The following SERTAD2 variants were observed in gnomAD, a reference collection of about 807,000 sequenced individuals.
The protein encoded by SERTAD2 is SERTA domain-containing protein 2.
SERTAD2 carries 2 observed loss-of-function variants against 15.4 expected under a neutral mutation model. The ratio of observed to expected loss-of-function variants is 0.13; its 90% CI spans 0.05 to 0.41. The LOEUF is 0.41. SERTAD2 is among the 10% of genes least tolerant of loss of function. The pLI, the probability that SERTAD2 is intolerant of heterozygous loss-of-function variation, is 0.99. For missense variants in SERTAD2, 333 were observed against 409.7 expected (o/e 0.81, Z 1.62); for synonymous variants, 180 against 178.0 (o/e 1.01, Z -0.09).
At chr2:64,640,474 CCT>C (rs3836062) in intron 1 of SERTAD2, among the ~76,000 whole-genome samples, 127,582 of 152,106 alleles carry the variant, frequency 0.84, 54,250 homozygotes, top group East Asian at 0.92. Context: ...TCCTCAGAAG[CCT>C]CTCTTTCCTC....
At position 64,633,539 on chromosome 2, in the gene SERTAD2, T is replaced by A. The variant is rs1013345400; in HGVS notation, c.*2388A>T. On this transcript the variant is annotated 3_prime_UTR_variant, in exon 2 of 2. Transcript: ENST00000313349. ...GTTCAGAATCATCAATACTATTGTA[T>A]ATGTGTACGTAGGTAGATGTGTGCA... The A allele has an allele frequency of 3.9e-5, 6 of 152,254 alleles. No homozygotes were observed. The highest frequency in any genetic ancestry group is 7.2e-5 in the African/African-American group (3 of 41,466). 9.4% of individuals were successfully genotyped at this position (152,254 alleles called of 1,614,324 possible).
intron 1 of SERTAD2, among the ~76,000 whole-genome samples, chr2:64,653,355 C>T (rs1675055480): frequency 1.3e-5 from 2 of 151,796 alleles, no homozygotes; most frequent in South Asian, 4.1e-4. Flanking sequence ...GAGCTCCCGA[C>T]CCCCTCCTGA....
rs1573081776 is a variant in SERTAD2 at position 64,636,502 on chromosome 2, T to C, written c.370A>G (p.Thr124Ala). Residue 124 changes from threonine to alanine, a missense_variant, in exon 2 of 2, where the codon ACG (threonine) becomes GCG (alanine). Thr to Ala is a moderately conservative substitution (Grantham distance 58). This residue lies in a region of SERTAD2 where 332 missense variants were observed against 392.9 expected (regional missense o/e 0.84). Transcript: ENST00000313349. ...GGGGTGAGGCAGGCCTCCAGGGGCG[T>C]AGTGCTTCCGAGGTCGCAGGGGTGG... The part of the protein sequence containing the change: ...SSHPCDLGST[T>A]PLEACLTPAS... The C allele has an allele frequency of 6.2e-7, 1 of 1,609,186 alleles. No individual in the cohort carries two copies.
Position 64,635,695 on chromosome 2 carries a change from A to G in SERTAD2, c.*232T>C, listed in dbSNP as rs1674642409. On this transcript the variant is annotated 3_prime_UTR_variant, in exon 2 of 2. Coordinates refer to ENST00000313349, the MANE Select transcript of SERTAD2 (RefSeq NM_014755.3). Reference sequence around the variant, plus strand: ...ATTGTCTTCAAATGGATTCTTTCCTATACCAGGGTAGTAGGTCTCTGAGGA... The same window carrying G: ...ATTGTCTTCAAATGGATTCTTTCCTGTACCAGGGTAGTAGGTCTCTGAGGA... 6.5e-6 allele frequency: 3 copies of G among 462,356 alleles called. No homozygotes were observed. Among genetic ancestry groups the G allele is most frequent in the South Asian group, 4.3e-5 (1 of 23,286 alleles). The allele number at this position is 462,356 out of a possible 1,614,324, so 28.6% of individuals were successfully genotyped here.
chr2:64,650,571 A>G (rs2104353809), intron 1 of SERTAD2, among the ~76,000 whole-genome samples: 1 of 152,272 alleles, frequency 6.6e-6, no homozygotes, highest in Non-Finnish European at 1.5e-5. Context: ...ACAGGGCATA[A>G]GTTTGCCTTT....
Position 64,636,546 on chromosome 2 carries a change from T to C in SERTAD2, c.326A>G (p.His109Arg). ...SYREAPPAFS[H>R]LASPSSHPCD... ...GGGGTGGGAGGACGGGGACGCCAGG[T>C]GGCTGAAGGCCGGCGGGGCCTCTCG... Residue 109 changes from histidine (H) to arginine (R), a missense_variant, in exon 2 of 2, where the codon CAC becomes CGC. Physicochemically the swap from His to Arg is conservative, Grantham distance 29 (BLOSUM62 0). Around this residue, in one of 2 missense-constraint regions of SERTAD2, gnomAD observed 332 missense variants for 392.9 expected, o/e 0.84. Coordinates refer to ENST00000313349, the MANE Select transcript of SERTAD2 (RefSeq NM_014755.3). The C allele has an allele frequency of 6.3e-7, 1 of 1,591,140 alleles. No homozygotes were observed. The highest frequency in any genetic ancestry group is 2.3e-5 in the East Asian group (1 of 44,406).
chr2:64,637,019 G>A (rs1674677142), intron 1 of SERTAD2, 144 bp from the exon 2 acceptor site: 2 of 616,308 alleles, frequency 3.2e-6, no homozygotes, highest in Non-Finnish European at 5.6e-6. Flanking sequence ...TTAATTAGGG[G>A]TGGGAGGAAG....
intron 1 of SERTAD2, among the ~76,000 whole-genome samples, chr2:64,652,307 T>A (rs950395398): frequency 2.0e-5 from 3 of 152,090 alleles, no homozygotes; most frequent in Non-Finnish European, 4.4e-5. Flanking sequence ...GGGTGAGACA[T>A]GCCTTCTGCT....
At chr2:64,637,465 G>A (rs529577779) in intron 1 of SERTAD2, among the ~76,000 whole-genome samples, 1 of 152,164 alleles carries the variant, frequency 6.6e-6, no homozygotes, top group South Asian at 2.1e-4. Context: ...GGGGACATGT[G>A]GTGAAGCACT....
chr2:64,638,294 T>C (rs1452819812), intron 1 of SERTAD2, among the ~76,000 whole-genome samples: 1 of 152,230 alleles, frequency 6.6e-6, no homozygotes, highest in Non-Finnish European at 1.5e-5. Flanking sequence ...CTTATCCACA[T>C]CTACACTGTC....
In SERTAD2 at chr2:64,632,159, A is replaced by G. The variant is rs749406753; in HGVS notation, c.*3768T>C. Reference sequence around the variant, plus strand: ...ATACTCTTTTCATTGTTTTCAGAAAATGTATAAAGGTCCAATTTGTAACAG... The same window carrying G: ...ATACTCTTTTCATTGTTTTCAGAAAGTGTATAAAGGTCCAATTTGTAACAG... On this transcript the variant is annotated 3_prime_UTR_variant, in exon 2 of 2. Transcript: ENST00000313349. 3 of 152,582 alleles carry G rather than the reference A, an allele frequency of 2.0e-5. No individual in the cohort carries two copies. Among genetic ancestry groups the G allele is most frequent in the Non-Finnish European group, 4.4e-5 (3 of 68,018 alleles). The allele number at this position is 152,582 out of a possible 1,614,324, so 9.5% of individuals were successfully genotyped here. A position where few individuals can be genotyped will look rare whatever the true frequency, so the allele number is the denominator to read the frequency against.
intron 1 of SERTAD2, 94 bp from the exon 2 acceptor site, chr2:64,636,969 C>G (rs533663134): frequency 2.3e-6 from 2 of 852,364 alleles, no homozygotes; most frequent in Admixed American, 4.9e-5. Flanking sequence ...GGACTTGGAC[C>G]TCAGTTTCCT....
intron 1 of SERTAD2, among the ~76,000 whole-genome samples, chr2:64,650,635 A>G (rs1224448337): frequency 6.6e-6 from 1 of 152,206 alleles, no homozygotes; most frequent in Non-Finnish European, 1.5e-5. Flanking sequence ...ATTAGTAGCC[A>G]TTTCCTTCAA....
intron 1 of SERTAD2, among the ~76,000 whole-genome samples, chr2:64,652,237 C>T (rs535992756): frequency 3.4e-4 from 52 of 152,252 alleles, no homozygotes; most frequent in African/African-American, 1.1e-3. Context: ...TCACAGCACA[C>T]CCTAGCACAC....
chr2:64,636,528 G>T lies in SERTAD2; in HGVS notation c.344C>A (p.Ser115Tyr), dbSNP rs576425678. The change falls in exon 2 of 2, where the codon TCC becomes TAC. Residue 115 changes from serine to tyrosine, a missense_variant. Ser to Tyr is a moderately radical substitution (Grantham distance 144). This residue lies in a region of SERTAD2 where 332 missense variants were observed against 392.9 expected (regional missense o/e 0.84). Coordinates refer to ENST00000313349, the MANE Select transcript of SERTAD2 (RefSeq NM_014755.3). ...AGTGCTTCCGAGGTCGCAGGGGTGG[G>T]AGGACGGGGACGCCAGGTGGCTGAA... ...PAFSHLASPSSHPCDLGSTTP... is the reference protein window; with the variant it reads ...PAFSHLASPSYHPCDLGSTTP... 1.1e-5 allele frequency: 18 copies of T among 1,602,684 alleles called. No homozygotes were observed. Among genetic ancestry groups the T allele is most frequent in the Non-Finnish European group, 1.4e-5 (17 of 1,172,716 alleles).
chr2:64,635,581 G>C lies in SERTAD2; in HGVS notation c.*346C>G, dbSNP rs771168599. On this transcript the variant is annotated 3_prime_UTR_variant, in exon 2 of 2. Transcript: ENST00000313349. ...TGCAATAAAACTTATAGAAAAAATA[G>C]ACAAATATGCACATGCAATTTACAG... 7 of 186,296 alleles carry C rather than the reference G, an allele frequency of 3.8e-5. No individual in the cohort carries two copies. The highest frequency in any genetic ancestry group is 8.0e-5 in the Non-Finnish European group (7 of 87,416). The allele number at this position is 186,296 out of a possible 1,614,324, so 11.5% of individuals were successfully genotyped here.
chr2:64,651,755 T>G (rs1214081228), intron 1 of SERTAD2, among the ~76,000 whole-genome samples: 1 of 152,234 alleles, frequency 6.6e-6, no homozygotes, highest in African/African-American at 2.4e-5. Flanking sequence ...AGCTGTTACC[T>G]AAGACGCTGT....
intron 1 of SERTAD2, among the ~76,000 whole-genome samples, chr2:64,646,976 G>A (rs893385375): frequency 6.6e-6 from 1 of 152,164 alleles, no homozygotes; most frequent in Non-Finnish European, 1.5e-5. Context: ...CCTTTACTGG[G>A]CCTACTTACT....
rs1674649004 is a variant in SERTAD2 at position 64,636,051 on chromosome 2, A to C, written c.821T>G (p.Val274Gly). ...SSGTASKMAP[V>G]SADDLLKTLA... ...AGTTTTGAGGAGGTCGTCGGCAGACACAGGGGCCATTTTTGAGGCTGTCCC... is the reference window on the plus strand; with the variant it reads ...AGTTTTGAGGAGGTCGTCGGCAGACCCAGGGGCCATTTTTGAGGCTGTCCC... Residue 274 changes from valine (V) to glycine (G), a missense_variant, in exon 2 of 2, where the codon GTG becomes GGG. Transcript: ENST00000313349. 6.2e-7 allele frequency: 1 copy of C among 1,614,008 alleles called. No homozygotes were observed. The highest frequency in any genetic ancestry group is 1.7e-5 in the Admixed American group (1 of 59,988).
Sources: gnomAD v4.1 joint callset for allele counts (sites outside exome capture counted in the v4.1 genomes callset) on GRCh38, gnomAD v4.1.1 for gene constraint, gnomAD v4.1.1 regional missense constraint, MANE v1.5 for transcripts, NCBI Gene and HGNC (gene_info 2026-07-23, HGNC 2026-07-21) for gene names.